The following TRERF1 variants were observed in gnomAD, a reference collection of about 807,000 sequenced individuals.
TRERF1 encodes the protein transcriptional-regulating factor 1.
In TRERF1, 27 loss-of-function variants were observed where a neutral mutation model predicts 122.9. The observed-to-expected ratio is 0.22, with a 90% CI of 0.16 to 0.30. The LOEUF (loss-of-function observed/expected upper bound fraction) is 0.30. TRERF1 is among the 10% of genes least tolerant of loss of function. The pLI, the probability that TRERF1 is intolerant of heterozygous loss-of-function variation, is 1.00. For synonymous variants in TRERF1, 636 were observed against 641.7 expected, an observed-to-expected ratio of 0.99 and a Z score of 0.13; for missense variants, 1,248 against 1,560.3, an observed-to-expected ratio of 0.80 and a Z score of 3.37.
At chr6:42,318,387 C>T (rs1359212040) in intron 3 of TRERF1, among the ~76,000 whole-genome samples, 1 of 152,196 alleles carries the variant, frequency 6.6e-6, no homozygotes, top group Non-Finnish European at 1.5e-5. Context: ...TAACATTGGA[C>T]TGACATAGAC....
intron 2 of TRERF1, among the ~76,000 whole-genome samples, chr6:42,433,082 G>T (rs988988736): frequency 6.6e-6 from 1 of 152,080 alleles, no homozygotes; most frequent in Non-Finnish European, 1.5e-5. Flanking sequence ...TGGGACTTGA[G>T]GGACCAGGCT....
chr6:42,375,931 A>G (rs1205781256), intron 2 of TRERF1, among the ~76,000 whole-genome samples: 1 of 152,190 alleles, frequency 6.6e-6, no homozygotes, highest in Admixed American at 6.5e-5. Flanking sequence ...AACCAAGCAC[A>G]TTAAACAGAA....
intron 2 of TRERF1, among the ~76,000 whole-genome samples, chr6:42,431,720 C>A (rs531715167): frequency 6.6e-6 from 1 of 152,092 alleles, no homozygotes; most frequent in Admixed American, 6.5e-5. Flanking sequence ...CAATACACAC[C>A]AGGGACCCCC....
At chr6:42,373,585 T>C (rs1251872706) in intron 2 of TRERF1, among the ~76,000 whole-genome samples, 1 of 152,078 alleles carries the variant, frequency 6.6e-6, no homozygotes, top group East Asian at 1.9e-4. Flanking sequence ...GAGAATGTCA[T>C]GAACCCCAGA....
intron 2 of TRERF1, among the ~76,000 whole-genome samples, chr6:42,427,845 C>A (rs983009994): frequency 2.0e-5 from 3 of 152,124 alleles, no homozygotes; most frequent in African/African-American, 7.2e-5. Flanking sequence ...CCACCACACC[C>A]AGCACATTCT....
At chr6:42,237,911 T>TA (rs566072152) in intron 15 of TRERF1, among the ~76,000 whole-genome samples, 56 of 152,218 alleles carry the variant, frequency 3.7e-4, no homozygotes, top group Non-Finnish European at 7.1e-4. Flanking sequence ...AGGGTGTATT[T>TA]AAGAAATGGC....
rs1224221875 is a variant in TRERF1 at position 42,306,052 on chromosome 6, A to G, written c.-370-5303T>C. Among the ~76,000 whole-genome samples, 5 of 117,906 alleles carry G rather than the reference A, an allele frequency of 4.2e-5. No homozygotes were observed. The South Asian group carries it at 1.2e-3, about 27-fold the overall frequency. The allele number at this position is 117,906 out of a possible 152,430, so 77.4% of individuals were successfully genotyped here. ...AGTCTTACTCTGTCTCCCAGGCTGG[A>G]GTGCAGTGGCGCGATCTCGGCTCAC... On this transcript the variant is annotated intron_variant, in intron 3 of 17. Transcript: ENST00000372922.
chr6:42,257,196 A>C, intron 10 of TRERF1, 94 bp from the exon 11 acceptor site: 1 of 1,450,976 alleles, frequency 6.9e-7, no homozygotes, highest in Non-Finnish European at 9.4e-7. Flanking sequence ...GAAGGAAACT[A>C]GTTCTTTCTG....
chr6:42,333,973 GA>G (rs1765677418), intron 3 of TRERF1, among the ~76,000 whole-genome samples: 1 of 143,296 alleles, frequency 7.0e-6, no homozygotes, highest in Non-Finnish European at 1.5e-5. Context: ...AGGCCACTAG[GA>G]AAAAAAAGAC....
At chr6:42,420,868 G>C (rs180916935) in intron 2 of TRERF1, among the ~76,000 whole-genome samples, 1 of 152,320 alleles carries the variant, frequency 6.6e-6, no homozygotes, top group Non-Finnish European at 1.5e-5. Context: ...CAAGAATTCT[G>C]CTTCCACTGT....
chr6:42,268,597 T>C lies in TRERF1; in HGVS notation c.994A>G (p.Met332Val). ...TGCTGCTCTTGCAAGTGCTGCATCA[T>C]GGGTTGGGGCTGATAATACTGAGGT... Residue 332 changes from methionine to valine, a missense_variant, in exon 5 of 18, where the codon ATG (methionine) becomes GTG (valine). This residue lies in a region of TRERF1 where 946 missense variants were observed against 1,073.0 expected (regional missense o/e 0.88). Coordinates refer to ENST00000372922, the Ensembl canonical transcript of TRERF1. The surrounding 1 kb of genome is among the most constrained non-coding windows in gnomAD (Gnocchi z 4.4). 2 of 1,613,984 alleles carry C rather than the reference T, an allele frequency of 1.2e-6. No homozygotes were observed. The highest frequency in any genetic ancestry group is 1.7e-6 in the Non-Finnish European group (2 of 1,179,880).
intron 3 of TRERF1, among the ~76,000 whole-genome samples, chr6:42,360,690 C>CGGGA (rs1771539444): frequency 6.6e-6 from 1 of 151,128 alleles, no homozygotes; most frequent in South Asian, 2.1e-4. Flanking sequence ...CCCAGCCTCC[C>CGGGA]CACAGCCTGG....
intron 3 of TRERF1, among the ~76,000 whole-genome samples, chr6:42,354,200 G>A (rs576011873): frequency 2.2e-4 from 34 of 152,308 alleles, no homozygotes; most frequent in African/African-American, 8.2e-4. Context: ...GCAGAGCCAT[G>A]AGAGGGCATA....
chr6:42,288,574 C>CAAAAAAAAAAAAAAAAAAAAA (rs3074797), intron 4 of TRERF1, among the ~76,000 whole-genome samples: 2 of 86,540 alleles, frequency 2.3e-5, no homozygotes, highest in African/African-American at 9.7e-5. Flanking sequence ...ATCTCAAAAC[C>CAAAAAAAAAAAAAAAAAAAAA]AAAAAAAAAA....
chr6:42,301,210 GTTGTTTTGTTTTGTT>G (rs113733458), intron 3 of TRERF1, among the ~76,000 whole-genome samples: 1 of 151,788 alleles, frequency 6.6e-6, no homozygotes, highest in South Asian at 2.1e-4. Context: ...TGAAGAACCA[GTTGTTTTGTTTTGTT>G]TTGTTTTGTT....
intron 3 of TRERF1, among the ~76,000 whole-genome samples, chr6:42,313,124 T>C (rs182062658): frequency 6.6e-6 from 1 of 152,264 alleles, no homozygotes; most frequent in African/African-American, 2.4e-5. Context: ...TTGCCTTCAA[T>C]AAGGCTTTCC....
At chr6:42,415,391 G>A (rs966839979) in intron 2 of TRERF1, among the ~76,000 whole-genome samples, 6 of 152,078 alleles carry the variant, frequency 3.9e-5, no homozygotes, top group Admixed American at 3.3e-4. Context: ...TCATTTTGAT[G>A]TTGTCAAATG....
intron 2 of TRERF1, among the ~76,000 whole-genome samples, chr6:42,386,699 A>G (rs536215950): frequency 6.6e-6 from 1 of 152,330 alleles, no homozygotes; most frequent in Admixed American, 6.5e-5. Context: ...TGGATCAAGA[A>G]GCCAACTCCT....
At position 42,306,889 on chromosome 6, in the gene TRERF1, A is replaced by T. The variant is rs145360812; in HGVS notation, c.-370-6140T>A. ...GGCATGGGCTATGTCCGTTTTTTTC[A>T]CCGCTGTGTCTAATGGCCTGGCACA... is the stretch of plus-strand genomic sequence containing the variant. On this transcript the variant is annotated intron_variant, in intron 3 of 17. Transcript: ENST00000372922. 2.0e-5 allele frequency among the ~76,000 whole-genome samples: 3 copies of T among 152,218 alleles called. 1 individual carries two copies. In the East Asian group the frequency reaches 5.8e-4, roughly 29 times the overall value.
Sources: gnomAD v4.1 joint callset for allele counts (sites outside exome capture counted in the v4.1 genomes callset) on GRCh38, gnomAD v4.1.1 for gene constraint, gnomAD v4.1.1 regional missense constraint, Gnocchi (gnomAD v3.1) non-coding constraint, MANE v1.5 for transcripts, NCBI Gene and HGNC (gene_info 2026-07-23, HGNC 2026-07-21) for gene names.